ANK3: variants seen among roughly 807,000 people sequenced by gnomAD.
ANK3 encodes ankyrin 3.
Under a neutral mutation model 370.9 loss-of-function variants are expected in ANK3, and 57 were observed. That is an observed-to-expected ratio of 0.15 (90% CI 0.12 to 0.19). The LOEUF (loss-of-function observed/expected upper bound fraction) is 0.19. ANK3 is among the 10% of genes least tolerant of loss of function. ANK3 has a pLI of 1.00. For synonymous variants in ANK3, 1,929 were observed against 1,946.3 expected (o/e 0.99, Z 0.23); for missense variants, 4,439 against 5,302.1 (o/e 0.84, Z 5.06).
At chr10:60,337,224 A>C (rs1211814526) in intron 1 of ANK3, among the ~76,000 whole-genome samples, 1 of 152,128 alleles carries the variant, frequency 6.6e-6, no homozygotes, top group Non-Finnish European at 1.5e-5. Flanking sequence ...GATCAAGTAA[A>C]ATAGAAAATA....
At chr10:60,726,949 C>T (rs2893861) in intron 1 of ANK3, among the ~76,000 whole-genome samples, 45,983 of 151,578 alleles carry the variant, frequency 0.3, 7,275 homozygotes, top group South Asian at 0.47. Flanking sequence ...TTAAAAAATT[C>T]TCAGATTAAG....
chr10:60,669,850 C>A (rs1376374460), intron 1 of ANK3, among the ~76,000 whole-genome samples: 1 of 152,026 alleles, frequency 6.6e-6, no homozygotes, highest in African/African-American at 2.4e-5. Flanking sequence ...TGAGACAGGG[C>A]CTTGCTCTGT....
intron 7 of ANK3, among the ~76,000 whole-genome samples, chr10:60,249,470 T>C (rs1381311325): frequency 6.6e-6 from 1 of 152,204 alleles, no homozygotes; most frequent in Non-Finnish European, 1.5e-5. Context: ...GTTTTGAATA[T>C]TTTTTCTTAC....
intron 28 of ANK3, among the ~76,000 whole-genome samples, chr10:60,103,762 GA>G (rs1190720725): frequency 6.6e-6 from 1 of 152,104 alleles, no homozygotes; most frequent in Non-Finnish European, 1.5e-5. Flanking sequence ...CATTTCCTTT[GA>G]ATTGTCTAAA....
rs1246462536 is a variant in ANK3, at chr10:60,138,685, G to T, written c.2738+279C>A. 8.3e-6 allele frequency: 4 copies of T among 480,266 alleles called. No homozygotes were observed. In the Admixed American group the frequency reaches 1.5e-4, roughly 18 times the overall value. The allele number at this position is 480,266 out of a possible 1,614,324, so 29.8% of individuals were successfully genotyped here. Reference sequence around the variant, plus strand: ...GACTCAGATTGGTTCTCCCAGTTTTGTCAGTGAGCTCTTTTGCTACTGTGC... The same window carrying T: ...GACTCAGATTGGTTCTCCCAGTTTTTTCAGTGAGCTCTTTTGCTACTGTGC... On this transcript the variant is annotated intron_variant, in intron 24 of 43. Transcript: ENST00000280772.
chr10:60,573,887 A>G (rs1405997151), intron 2 of ANK3, among the ~76,000 whole-genome samples: 1 of 152,200 alleles, frequency 6.6e-6, no homozygotes, highest in Non-Finnish European at 1.5e-5. Context: ...GCTGGGAGCC[A>G]GGAATAAATC....
chr10:60,521,199 A>T (rs908767107), intron 2 of ANK3, among the ~76,000 whole-genome samples: 1 of 152,114 alleles, frequency 6.6e-6, no homozygotes, highest in Non-Finnish European at 1.5e-5. Context: ...TCTATATGTT[A>T]CATCAGCTGA....
intron 2 of ANK3, among the ~76,000 whole-genome samples, chr10:60,535,571 A>G (rs1451807451): frequency 6.6e-6 from 1 of 152,056 alleles, no homozygotes; most frequent in East Asian, 1.9e-4. Context: ...TTAGCAATAA[A>G]GAGGAGGGGC....
intron 1 of ANK3, among the ~76,000 whole-genome samples, chr10:60,370,258 T>C (rs1313930836): frequency 6.6e-6 from 1 of 152,156 alleles, no homozygotes; most frequent in Non-Finnish European, 1.5e-5. Context: ...AAAACTATTC[T>C]CATGTAAAAT....
chr10:60,081,473 A>G (rs1478988221), intron 35 of ANK3: 3 of 431,804 alleles, frequency 6.9e-6, no homozygotes, highest in Non-Finnish European at 1.4e-5. Flanking sequence ...AAACCTAATT[A>G]TCATATAACT....
intron 23 of ANK3, among the ~76,000 whole-genome samples, chr10:60,155,987 CTG>C: frequency 6.6e-6 from 1 of 152,320 alleles, no homozygotes; most frequent in Middle Eastern, 3.4e-3. Flanking sequence ...TGCAGATGGC[CTG>C]TGAGACTTTA....
At chr10:60,726,222 A>G (rs914502513) in intron 1 of ANK3, among the ~76,000 whole-genome samples, 1 of 152,148 alleles carries the variant, frequency 6.6e-6, no homozygotes, top group African/African-American at 2.4e-5. Context: ...ATAAAAAAAA[A>G]CAGACACAGT....
At chr10:60,619,850 C>G (rs553216691) in intron 1 of ANK3, among the ~76,000 whole-genome samples, 7 of 152,322 alleles carry the variant, frequency 4.6e-5, no homozygotes, top group African/African-American at 1.7e-4. Context: ...CAAACATTTA[C>G]TATTTCTACT....
At chr10:60,190,891 A>G (rs2096465038) in intron 16 of ANK3, among the ~76,000 whole-genome samples, 2 of 152,206 alleles carry the variant, frequency 1.3e-5, no homozygotes, top group African/African-American at 4.8e-5. Context: ...ATATATGCAT[A>G]TATCAGTGGA....
chr10:60,171,947 A>C (rs1336026778), intron 21 of ANK3, among the ~76,000 whole-genome samples: 1 of 152,186 alleles, frequency 6.6e-6, no homozygotes, highest in Non-Finnish European at 1.5e-5. Flanking sequence ...ACCAACTTAG[A>C]GTTTTCAATT....
intron 1 of ANK3, among the ~76,000 whole-genome samples, chr10:60,661,752 A>C (rs1455268457): frequency 6.6e-6 from 1 of 152,190 alleles, no homozygotes; most frequent in African/African-American, 2.4e-5. Flanking sequence ...GCTGCAAGAA[A>C]AAGCATCTGA....
chr10:60,672,563 C>T (rs1418295896), intron 1 of ANK3, among the ~76,000 whole-genome samples: 1 of 152,218 alleles, frequency 6.6e-6, no homozygotes, highest in African/African-American at 2.4e-5. Flanking sequence ...AAGACAGAAG[C>T]TCCAGTGCTC....
intron 1 of ANK3, among the ~76,000 whole-genome samples, chr10:60,693,311 T>G (rs548651619): frequency 1.3e-5 from 2 of 152,276 alleles, no homozygotes; most frequent in South Asian, 4.1e-4. Context: ...AAGGCAGCAG[T>G]GAGGCTGGGG....
At chr10:60,196,978 C>A (rs1046379175) in intron 14 of ANK3, among the ~76,000 whole-genome samples, 1 of 152,092 alleles carries the variant, frequency 6.6e-6, no homozygotes, top group African/African-American at 2.4e-5. Context: ...TATTCTAGGG[C>A]TGTTTTCAGA....
Sources: allele counts gnomAD v4.1 joint callset (sites outside exome capture counted in the v4.1 genomes callset), GRCh38; gene constraint gnomAD v4.1.1; transcripts MANE v1.5; gene names NCBI Gene and HGNC (gene_info 2026-07-23, HGNC 2026-07-21).